The following CRB1 variants were observed in gnomAD, a reference collection of about 807,000 sequenced individuals.
The protein encoded by CRB1 is crumbs cell polarity complex component 1, also known as protein crumbs homolog 1.
A neutral mutation model predicts 120.0 loss-of-function variants in CRB1; 83 were observed. The ratio of observed to expected loss-of-function variants is 0.69; its 90% CI spans 0.58 to 0.83. CRB1 has a LOEUF of 0.83. Ranked by LOEUF, CRB1 falls within the 40% of genes least tolerant of loss-of-function variation. The pLI, the probability that CRB1 is intolerant of heterozygous loss-of-function variation, is 0.00. For synonymous variants in CRB1, 625 were observed against 612.5 expected (o/e 1.02, Z -0.30); for missense variants, 1,699 against 1,687.6 (o/e 1.01, Z -0.12).
chr1:197,268,307 T>TG lies in CRB1; in HGVS notation c.-101dup. The TG allele has an allele frequency of 1.2e-6, 1 of 810,140 alleles. No individual in the cohort carries two copies. Among genetic ancestry groups the TG allele is most frequent in the Non-Finnish European group, 2.2e-6 (1 of 448,688 alleles). The allele number at this position is 810,140 out of a possible 1,614,324, so 50.2% of individuals were successfully genotyped here. ...AGTAGGGTGGGACAGAGATGGCACC[T>TG]GGGGGTTCTGAGGCACCCGCTCCTC... On this transcript the variant is annotated 5_prime_UTR_variant, in exon 1 of 12. The change creates a premature stop within an existing upstream ORF in the 5' untranslated region. Transcript: ENST00000367400.
chr1:197,434,929 T>C lies in CRB1; in HGVS notation c.3066T>C (p.Ser1022=). 6.2e-7 allele frequency: 1 copy of C among 1,613,944 alleles called. No homozygotes were observed. The highest frequency in any genetic ancestry group is 8.5e-7 in the Non-Finnish European group (1 of 1,179,868). The part of the protein sequence containing the change: ...LQSGNSFYML[S]LTSLQSVNDG... Reference sequence around the variant, plus strand: ...GTGGCAACAGCTTTTATATGCTAAGTCTGACAAGTTTGCAGTCAGTGAATG... The same window carrying C: ...GTGGCAACAGCTTTTATATGCTAAGCCTGACAAGTTTGCAGTCAGTGAATG... The change falls in exon 9 of 12, where the codon AGT becomes AGC. Residue 1022 remains serine (S), a synonymous_variant. Transcript: ENST00000367400.
chr1:197,382,503 A>C (rs920251978), intron 5 of CRB1, among the ~76,000 whole-genome samples: 2 of 152,218 alleles, frequency 1.3e-5, no homozygotes, highest in Non-Finnish European at 2.9e-5. Context: ...TACTGATAAG[A>C]AAGGAAATCT....
chr1:197,259,921 G>A, the CRB1 span, among the ~76,000 whole-genome samples: 9 of 151,780 alleles, frequency 5.9e-5, no homozygotes, highest in Admixed American at 5.9e-4. Flanking sequence ...AGGCCAAGGT[G>A]GGAGGATCGC....
chr1:197,328,667 A>C lies in CRB1; in HGVS notation c.316A>C (p.Ile106Leu), dbSNP rs116067724. The change falls in exon 2 of 12, where the codon ATC (isoleucine) becomes CTC (leucine). Residue 106 changes from isoleucine (I) to leucine (L), a missense_variant. Coordinates refer to ENST00000367400, the MANE Select transcript of CRB1 (RefSeq NM_201253.3). ...CKCPPGYSGT[I>L]CETTIGSCGK... Reference sequence around the variant, plus strand: ...ATGTCCTCCTGGGTACAGTGGGACAATCTGTGAAACTACCATTGGTTCCTG... The same window carrying C: ...ATGTCCTCCTGGGTACAGTGGGACACTCTGTGAAACTACCATTGGTTCCTG... The C allele has an allele frequency of 1.7e-5, 28 of 1,614,070 alleles. No homozygotes were observed. The African/African-American group carries it at 3.5e-4, about 20-fold the overall frequency.
At chr1:197,222,433 C>A in the CRB1 span, 1 of 768,570 alleles carries the variant, frequency 1.3e-6, no homozygotes, top group Non-Finnish European at 2.4e-6. Flanking sequence ...CCTCGGGCTA[C>A]CGTCATGGTG....
the CRB1 span, among the ~76,000 whole-genome samples, chr1:197,229,806 G>C: frequency 6.4e-3 from 970 of 152,220 alleles, 9 homozygotes; most frequent in African/African-American, 0.022. Flanking sequence ...AAAGAATAAT[G>C]AGTCTTGTTC....
In CRB1 at chr1:197,463,492, A is replaced by G. The variant is rs559196512; in HGVS notation, c.4006-14172A>G. Among the ~76,000 whole-genome samples, 91 of 152,266 alleles carry G rather than the reference A, an allele frequency of 6.0e-4. 1 individual carries two copies. The highest frequency in any genetic ancestry group is 1.9e-3 in the African/African-American group (79 of 41,572). The stretch of plus-strand genomic sequence containing the variant: ...TTTTTACTCTTCTTTCAGTCTGCAG[A>G]TATGCCAACTAAGGGTAATACAGTT... On this transcript the variant is annotated intron_variant, in intron 11 of 11. Transcript: ENST00000367400.
At chr1:197,301,436 G>T (rs1247151524) in intron 1 of CRB1, among the ~76,000 whole-genome samples, 1 of 152,104 alleles carries the variant, frequency 6.6e-6, no homozygotes, top group Non-Finnish European at 1.5e-5. Context: ...AAAGTTCTGG[G>T]ATTACAGGTG....
chr1:197,477,553 A>G (rs775641671), intron 11 of CRB1, 111 bp from the exon 12 acceptor site: 6 of 899,368 alleles, frequency 6.7e-6, no homozygotes, highest in Non-Finnish European at 1.1e-5. Context: ...TACAGTACTG[A>G]GTGGTACCAG....
intron 11 of CRB1, among the ~76,000 whole-genome samples, chr1:197,463,060 G>A (rs1490101813): frequency 1.3e-5 from 2 of 152,152 alleles, no homozygotes; most frequent in Admixed American, 1.3e-4. Flanking sequence ...TGTTGAAACT[G>A]GAGGGGAGCA....
chr1:197,330,156 T>G (rs1179995974), intron 2 of CRB1, among the ~76,000 whole-genome samples: 1 of 152,210 alleles, frequency 6.6e-6, no homozygotes, highest in Non-Finnish European at 1.5e-5. Flanking sequence ...AATGAAATTT[T>G]TCCCCTCTCC....
At chr1:197,217,400 C>T in the CRB1 span, among the ~76,000 whole-genome samples, 13 of 152,088 alleles carry the variant, frequency 8.5e-5, no homozygotes, top group Non-Finnish European at 1.9e-4. Flanking sequence ...TTCATAGCAG[C>T]CTCAAATTGG....
At chr1:197,368,703 A>G (rs964002782) in intron 5 of CRB1, among the ~76,000 whole-genome samples, 3 of 152,208 alleles carry the variant, frequency 2.0e-5, no homozygotes, top group African/African-American at 7.2e-5. Flanking sequence ...TCAGGTTGGC[A>G]TTCCTCTGTT....
Position 197,435,493 on chromosome 1 carries a change from C to T in CRB1, c.3630C>T (p.Asn1210=), listed in dbSNP as rs1665110412. 6.2e-7 allele frequency: 1 copy of T among 1,608,120 alleles called. No homozygotes were observed. The highest frequency in any genetic ancestry group is 8.5e-7 in the Non-Finnish European group (1 of 1,177,172). ...GTGAGCCTGGATACACTGGTGTGAACTGTGAAGTGGATATAGACAACTGCC... is the reference window on the plus strand; with the variant it reads ...GTGAGCCTGGATACACTGGTGTGAATTGTGAAGTGGATATAGACAACTGCC... ...CTCEPGYTGV[N]CEVDIDNCQS... is the part of the protein sequence containing the mutation. The change falls in exon 9 of 12, where the codon AAC becomes AAT. Residue 1210 remains asparagine (N), a synonymous_variant. Transcript: ENST00000367400.
chr1:197,355,907 G>T (rs574953876), intron 4 of CRB1, among the ~76,000 whole-genome samples: 1 of 152,240 alleles, frequency 6.6e-6, no homozygotes, highest in Non-Finnish European at 1.5e-5. Flanking sequence ...CCCAGGAGGC[G>T]CCCAGAGCGA....
At chr1:197,424,346 A>G (rs927493067) in intron 6 of CRB1, among the ~76,000 whole-genome samples, 1 of 152,160 alleles carries the variant, frequency 6.6e-6, no homozygotes, top group Non-Finnish European at 1.5e-5. Flanking sequence ...AACACATGCA[A>G]ATAAAAATCT....
At chr1:197,296,506 G>T (rs1656528699) in intron 1 of CRB1, among the ~76,000 whole-genome samples, 1 of 151,996 alleles carries the variant, frequency 6.6e-6, no homozygotes, top group African/African-American at 2.4e-5. Context: ...TACAGATCCA[G>T]AAGTCAGTTG....
At chr1:197,359,498 G>C (rs1660664346) in intron 5 of CRB1, among the ~76,000 whole-genome samples, 1 of 152,148 alleles carries the variant, frequency 6.6e-6, no homozygotes, top group Admixed American at 6.5e-5. Context: ...AGGGCATCTA[G>C]ATTGTTTCAG....
the CRB1 span, among the ~76,000 whole-genome samples, chr1:197,255,965 T>TTTTATATA: frequency 4.7e-5 from 4 of 85,336 alleles, no homozygotes; most frequent in Admixed American, 1.4e-4. Flanking sequence ...ATAGAACATT[T>TTTTATATA]TATATATATA....
Sources: gnomAD v4.1 joint callset for allele counts (sites outside exome capture counted in the v4.1 genomes callset) on GRCh38, gnomAD v4.1.1 for gene constraint, MANE v1.5 for transcripts, NCBI Gene and HGNC (gene_info 2026-07-23, HGNC 2026-07-21) for gene names.